The following DLGAP1 variants were observed in gnomAD, a reference collection of about 807,000 sequenced individuals.
DLGAP1 encodes DLG associated protein 1.
Under a neutral mutation model 90.8 loss-of-function variants are expected in DLGAP1, and 11 were observed. The ratio of observed to expected loss-of-function variants is 0.12; its 90% confidence interval spans 0.08 to 0.20. The LOEUF (loss-of-function observed/expected upper bound fraction) is 0.20, where lower values mean the gene tolerates loss of function less well. Ranked by LOEUF, DLGAP1 falls within the 10% of genes least tolerant of loss-of-function variation. The pLI, the probability that DLGAP1 is intolerant of heterozygous loss-of-function variation, is 1.00. For synonymous variants in DLGAP1, 558 were observed against 540.7 expected (o/e 1.03, Z -0.44); for missense variants, 1,050 against 1,333.8 (o/e 0.79, Z 3.31).
chr18:3,841,564 C>T (rs1568224501), intron 4 of DLGAP1, among the ~76,000 whole-genome samples: 1 of 152,098 alleles, frequency 6.6e-6, no homozygotes, highest in Admixed American at 6.6e-5. Flanking sequence ...AAGAACTGGT[C>T]CCTGGAGTCA....
At chr18:3,525,277 T>C (rs1045613765) in intron 10 of DLGAP1, among the ~76,000 whole-genome samples, 1 of 152,202 alleles carries the variant, frequency 6.6e-6, no homozygotes, top group Non-Finnish European at 1.5e-5. Context: ...ATACATCATA[T>C]AGATAAAGAC....
chr18:3,543,765 G>A (rs1018502555), intron 9 of DLGAP1, among the ~76,000 whole-genome samples: 3 of 152,176 alleles, frequency 2.0e-5, no homozygotes, highest in African/African-American at 7.2e-5. Context: ...GAGTTTCCAG[G>A]GAGTGGTCCC....
chr18:3,803,996 ATATATAT>A (rs1264483812), intron 5 of DLGAP1, among the ~76,000 whole-genome samples: 2 of 100,156 alleles, frequency 2.0e-5, no homozygotes, highest in East Asian at 3.6e-4. Flanking sequence ...ATATATATAT[ATATATAT>A]AATTTTTTTT....
At chr18:3,634,747 G>A (rs1441009899) in intron 7 of DLGAP1, among the ~76,000 whole-genome samples, 1 of 152,110 alleles carries the variant, frequency 6.6e-6, no homozygotes, top group African/African-American at 2.4e-5. Flanking sequence ...CTTACATAAC[G>A]ATTTGGTCTC....
chr18:4,335,248 C>T (rs1326916181), intron 1 of DLGAP1, among the ~76,000 whole-genome samples: 8 of 151,760 alleles, frequency 5.3e-5, no homozygotes, highest in Non-Finnish European at 1.0e-4. Context: ...AAAGCCATCC[C>T]GAAGAATGAG....
At chr18:4,178,417 T>C (rs947009493) in intron 1 of DLGAP1, among the ~76,000 whole-genome samples, 3 of 152,130 alleles carry the variant, frequency 2.0e-5, no homozygotes, top group Non-Finnish European at 4.4e-5. Context: ...TTAGAACACA[T>C]CATAGTTTGT....
intron 1 of DLGAP1, among the ~76,000 whole-genome samples, chr18:4,270,072 T>C (rs1284239534): frequency 1.3e-5 from 2 of 152,230 alleles, no homozygotes; most frequent in African/African-American, 2.4e-5. Flanking sequence ...TGTTAAAATT[T>C]AGTTTTTGAC....
chr18:4,092,186 TC>T (rs368297656), intron 2 of DLGAP1, among the ~76,000 whole-genome samples: 8 of 152,308 alleles, frequency 5.3e-5, no homozygotes, highest in African/African-American at 1.9e-4. Flanking sequence ...ATGTCCCTGC[TC>T]CACCCTCAGC....
chr18:3,496,737 G>C lies in DLGAP1; in HGVS notation c.*2448C>G, dbSNP rs1448392104. ...ACAAAGGTTATGCTCATGAATGTCAGTTTCAGGGGTCAAGCAGCATTGTGT... is the reference window on the plus strand; with the variant it reads ...ACAAAGGTTATGCTCATGAATGTCACTTTCAGGGGTCAAGCAGCATTGTGT... On this transcript the variant is annotated 3_prime_UTR_variant, in exon 13 of 13. Coordinates refer to ENST00000315677, the MANE Select transcript of DLGAP1 (RefSeq NM_004746.4). 1 of 147,554 alleles carries C rather than the reference G, an allele frequency of 6.8e-6. No homozygotes were observed. Among genetic ancestry groups the C allele is most frequent in the Non-Finnish European group, 1.5e-5 (1 of 65,124 alleles). The allele number at this position is 147,554 out of a possible 1,614,324, so 9.1% of individuals were successfully genotyped here. A position where few individuals can be genotyped will look rare whatever the true frequency, so the allele number is the denominator to read the frequency against.
Position 4,305,683 on chromosome 18 carries a change from TAA to T in DLGAP1, c.-267+149321_-267+149322del, listed in dbSNP as rs200188597. The stretch of plus-strand genomic sequence containing the variant: ...ATTGTTATTTCACCTTTACAAATGA[TAA>T]AGTCATGCTCAGAAAGTCTATTCAA... On this transcript the variant is annotated intron_variant, in intron 1 of 12. Coordinates refer to ENST00000315677, the MANE Select transcript of DLGAP1 (RefSeq NM_004746.4). Among the ~76,000 whole-genome samples the T allele has an allele frequency of 9.7e-3, 1,474 of 152,278 alleles. 13 individuals carry two copies. The highest frequency in any genetic ancestry group is 0.017 in the Middle Eastern group (5 of 294).
intron 10 of DLGAP1, among the ~76,000 whole-genome samples, chr18:3,522,958 C>T (rs1363377304): frequency 6.6e-6 from 1 of 152,116 alleles, no homozygotes; most frequent in Admixed American, 6.6e-5. Context: ...AAAGGTTCCT[C>T]AACATTAGCC....
intron 1 of DLGAP1, among the ~76,000 whole-genome samples, chr18:4,413,608 TAGTC>T (rs2082829829): frequency 6.6e-6 from 1 of 152,026 alleles, no homozygotes; most frequent in African/African-American, 2.4e-5. Flanking sequence ...AAGTTAATCT[TAGTC>T]AGAAACCAAA....
intron 10 of DLGAP1, among the ~76,000 whole-genome samples, chr18:3,518,365 T>C (rs1441533107): frequency 6.6e-6 from 1 of 152,120 alleles, no homozygotes; most frequent in Non-Finnish European, 1.5e-5. Flanking sequence ...GGATCACTGA[T>C]CACAAATCAC....
chr18:3,947,565 C>T (rs1217172303), intron 3 of DLGAP1, among the ~76,000 whole-genome samples: 3 of 152,170 alleles, frequency 2.0e-5, no homozygotes, highest in Admixed American at 6.5e-5. Context: ...GATACACATA[C>T]GTATGTTAAA....
chr18:3,760,903 C>T (rs769632205), intron 5 of DLGAP1, among the ~76,000 whole-genome samples: 13 of 152,116 alleles, frequency 8.5e-5, no homozygotes, highest in East Asian at 1.9e-4. Context: ...CTCTTCAATT[C>T]GTTGAACACT....
chr18:4,117,570 A>C (rs2076083161), intron 2 of DLGAP1, among the ~76,000 whole-genome samples: 2 of 152,228 alleles, frequency 1.3e-5, no homozygotes. Flanking sequence ...ATCACTGGTC[A>C]TAGATTGTGC....
At chr18:3,880,918 G>T (rs568868053) in intron 3 of DLGAP1, among the ~76,000 whole-genome samples, 3 of 143,602 alleles carry the variant, frequency 2.1e-5, no homozygotes, top group Admixed American at 7.1e-5. Context: ...ACTCCAGCCT[G>T]GGGGACAGAG....
chr18:4,188,155 C>T (rs929993194), intron 1 of DLGAP1, among the ~76,000 whole-genome samples: 1 of 152,002 alleles, frequency 6.6e-6, no homozygotes, highest in Non-Finnish European at 1.5e-5. Context: ...ATTTATGTTA[C>T]CAATTTTTGT....
chr18:3,770,987 T>A (rs138037831), intron 5 of DLGAP1: 252 of 152,350 alleles, frequency 1.7e-3, no homozygotes, highest in African/African-American at 5.8e-3. Context: ...AAAGATAATA[T>A]TCACCGTATT....
Sources: allele counts gnomAD v4.1 joint callset (sites outside exome capture counted in the v4.1 genomes callset), GRCh38; gene constraint gnomAD v4.1.1; transcripts MANE v1.5; gene names NCBI Gene and HGNC (gene_info 2026-07-23, HGNC 2026-07-21).